The following SNTB2 variants were observed in gnomAD, a reference collection of about 807,000 sequenced individuals.
SNTB2 encodes the protein beta-2-syntrophin.
In SNTB2, 34 loss-of-function variants were observed where a neutral mutation model predicts 46.2. The ratio of observed to expected loss-of-function variants is 0.74; its 90% confidence interval spans 0.56 to 0.98. The LOEUF is 0.98. SNTB2 is among the 50% of genes least tolerant of loss of function. SNTB2 has a pLI of 0.00. For missense variants in SNTB2, 603 were observed against 731.4 expected (o/e 0.82, Z 2.02); for synonymous variants, 290 against 312.6 (o/e 0.93, Z 0.76).
intron 3 of SNTB2, among the ~76,000 whole-genome samples, chr16:69,268,660 T>C (rs1964909056): frequency 6.6e-6 from 1 of 151,114 alleles, no homozygotes; most frequent in Non-Finnish European, 1.5e-5. Context: ...AGCCCAGGAG[T>C]TCGAGGCCAG....
At chr16:69,205,192 C>T (rs1279631657) in intron 1 of SNTB2, among the ~76,000 whole-genome samples, 2 of 151,532 alleles carry the variant, frequency 1.3e-5, no homozygotes, top group African/African-American at 4.9e-5. Context: ...CTCTGTCACC[C>T]AGGCTGGAGT....
chr16:69,284,881 C>G (rs1965087217), intron 5 of SNTB2, among the ~76,000 whole-genome samples: 6 of 152,142 alleles, frequency 3.9e-5, no homozygotes. Flanking sequence ...GCACTCCAGC[C>G]TGGGCAACCA....
intron 1 of SNTB2, among the ~76,000 whole-genome samples, chr16:69,229,204 CTCTG>C (rs1964484079): frequency 6.6e-6 from 1 of 152,148 alleles, no homozygotes; most frequent in Non-Finnish European, 1.5e-5. Flanking sequence ...CAGGATCTCA[CTCTG>C]TCATTCAGGC....
intron 2 of SNTB2, among the ~76,000 whole-genome samples, chr16:69,252,524 C>A (rs1480124319): frequency 6.6e-6 from 1 of 152,194 alleles, no homozygotes; most frequent in Non-Finnish European, 1.5e-5. Flanking sequence ...CCTCAGTCAT[C>A]TTCACATTGG....
intron 6 of SNTB2, 30 bp downstream of exon 6, chr16:69,299,804 CTAATAGATGTTCTCT>C (rs1567418298): frequency 6.3e-7 from 1 of 1,595,146 alleles, no homozygotes; most frequent in Non-Finnish European, 8.6e-7. Context: ...ACATGTTTAT[CTAATAGATGTTCTCT>C]TTCCTTCTCA....
chr16:69,234,987 GCCA>G (rs1964543579), intron 1 of SNTB2, among the ~76,000 whole-genome samples: 2 of 152,162 alleles, frequency 1.3e-5, no homozygotes, highest in Admixed American at 1.3e-4. Flanking sequence ...ACAGGTGTGA[GCCA>G]CTGCGCCCGG....
At chr16:69,242,093 G>A (rs1312235737) in intron 1 of SNTB2, among the ~76,000 whole-genome samples, 1 of 152,042 alleles carries the variant, frequency 6.6e-6, no homozygotes, top group Non-Finnish European at 1.5e-5. Context: ...TATAGTTTTT[G>A]AAGCCTCAAG....
At chr16:69,264,736 C>G (rs1287398778) in intron 3 of SNTB2, among the ~76,000 whole-genome samples, 1 of 152,060 alleles carries the variant, frequency 6.6e-6, no homozygotes, top group African/African-American at 2.4e-5. Context: ...GTAGAAGAAA[C>G]TGAAGAAGTA....
intron 3 of SNTB2, among the ~76,000 whole-genome samples, chr16:69,264,892 G>A (rs986350736): frequency 3.3e-5 from 5 of 152,114 alleles, no homozygotes; most frequent in Admixed American, 6.6e-5. Flanking sequence ...GATTCAAGAC[G>A]TTCAAGAATA....
chr16:69,201,726 A>G (rs1014828919), intron 1 of SNTB2, among the ~76,000 whole-genome samples: 2 of 152,340 alleles, frequency 1.3e-5, no homozygotes, highest in South Asian at 2.1e-4. Flanking sequence ...TTATTCTCAG[A>G]TTGTCAGAAA....
intron 1 of SNTB2, among the ~76,000 whole-genome samples, chr16:69,217,618 T>C (rs781719188): frequency 2.0e-5 from 3 of 152,256 alleles, no homozygotes; most frequent in Non-Finnish European, 4.4e-5. Context: ...TCATTTGTAC[T>C]GGCTGCTGAG....
At chr16:69,257,279 G>T (rs936144901) in intron 2 of SNTB2, among the ~76,000 whole-genome samples, 1 of 151,862 alleles carries the variant, frequency 6.6e-6, no homozygotes, top group African/African-American at 2.4e-5. Context: ...TATAGAATAG[G>T]AAATCAAAGA....
intron 4 of SNTB2, among the ~76,000 whole-genome samples, chr16:69,276,961 A>G (rs917431378): frequency 2.0e-5 from 3 of 152,206 alleles, no homozygotes; most frequent in African/African-American, 7.2e-5. Context: ...TCATCTTTGT[A>G]ACATTCTGTG....
At chr16:69,203,963 G>A (rs1302493810) in intron 1 of SNTB2, among the ~76,000 whole-genome samples, 4 of 151,964 alleles carry the variant, frequency 2.6e-5, no homozygotes, top group African/African-American at 9.7e-5. Flanking sequence ...CGCGATCCCG[G>A]CTTACTGCAA....
chr16:69,256,591 C>A (rs1228526338), intron 2 of SNTB2, among the ~76,000 whole-genome samples: 1 of 152,084 alleles, frequency 6.6e-6, no homozygotes, highest in East Asian at 1.9e-4. Context: ...TCGTGACTGG[C>A]TTATTTTACT....
chr16:69,187,894 A>G, intron 1 of SNTB2, 148 bp downstream of exon 1: 1 of 673,390 alleles, frequency 1.5e-6, no homozygotes, highest in East Asian at 3.5e-5. Context: ...GTGTGGAAAA[A>G]CGGATGCTTC....
intron 5 of SNTB2, 144 bp from the exon 6 acceptor site, chr16:69,299,446 C>A: frequency 1.2e-6 from 1 of 823,714 alleles, no homozygotes; most frequent in Non-Finnish European, 1.9e-6. Context: ...TAGCACAAAA[C>A]ACACTTTAGA....
intron 5 of SNTB2, among the ~76,000 whole-genome samples, chr16:69,284,459 T>TG (rs1567414678): frequency 4.4e-5 from 2 of 45,908 alleles, no homozygotes; most frequent in African/African-American, 8.5e-5. Context: ...CCGTCTTTAC[T>TG]AAAAAAAAAA....
At position 69,270,267 on chromosome 16, in the gene SNTB2, A is replaced by G. The variant is rs746245748; in HGVS notation, c.1130A>G (p.Tyr377Cys). Residue 377 changes from tyrosine to cysteine, a missense_variant, in exon 4 of 7, where the codon TAC becomes TGC. Physicochemically the swap from Tyr to Cys is radical, Grantham distance 194. This residue lies in a region of SNTB2 where 537 missense variants were observed against 692.4 expected (regional missense o/e 0.78). Coordinates refer to ENST00000336278, the MANE Select transcript of SNTB2 (RefSeq NM_006750.4). Reference sequence around the variant, plus strand: ...GCCTGGGCGTCACCATGCCACAGCTACCCACTTGTTGCCACCAGGTAAGTA... The same window carrying G: ...GCCTGGGCGTCACCATGCCACAGCTGCCCACTTGTTGCCACCAGGTAAGTA... ...RDAWASPCHS[Y>C]PLVATRLVHS... The G allele has an allele frequency of 3.7e-6, 6 of 1,614,132 alleles. No homozygotes were observed. The highest frequency in any genetic ancestry group is 5.1e-6 in the Non-Finnish European group (6 of 1,180,024).
Sources: gnomAD v4.1 joint callset for allele counts (sites outside exome capture counted in the v4.1 genomes callset) on GRCh38, gnomAD v4.1.1 for gene constraint, gnomAD v4.1.1 regional missense constraint, MANE v1.5 for transcripts, NCBI Gene and HGNC (gene_info 2026-07-23, HGNC 2026-07-21) for gene names.